The following FNBP1 variants were observed in gnomAD, a reference collection of about 807,000 sequenced individuals.
FNBP1 encodes the protein formin-binding protein 1.
In FNBP1, 26 loss-of-function variants were observed where a neutral mutation model predicts 90.6. That is an observed-to-expected ratio of 0.29 (90% confidence interval 0.21 to 0.40). The LOEUF (loss-of-function observed/expected upper bound fraction) is 0.40. FNBP1 is among the 10% of genes least tolerant of loss of function. FNBP1 has a pLI of 1.00. For missense variants in FNBP1, 635 were observed against 768.0 expected (o/e 0.83, Z 2.05); for synonymous variants, 260 against 265.2 (o/e 0.98, Z 0.19).
Position 129,925,091 on chromosome 9 carries a change from C to T in FNBP1, c.856G>A (p.Asp286Asn), listed in dbSNP as rs755707936. Residue 286 changes from aspartate (D) to asparagine (N), a missense_variant, in exon 9 of 17, where the codon GAT (aspartate) becomes AAT (asparagine). Physicochemically the swap from Asp to Asn is conservative, Grantham distance 23. Coordinates refer to ENST00000446176, the MANE Select transcript of FNBP1 (RefSeq NM_015033.3). ...FEPPGDIEFE[D>N]YTQPMKRTVS... ...GTGCGCTTCATTGGCTGAGTGTAAT[C>T]CTCAAATTCAATGTCTCCAGGAGGC... The T allele has an allele frequency of 6.2e-7, 1 of 1,613,922 alleles. No homozygotes were observed. The highest frequency in any genetic ancestry group is 8.5e-7 in the Non-Finnish European group (1 of 1,179,856).
intron 10 of FNBP1, among the ~76,000 whole-genome samples, chr9:129,921,194 A>C (rs2041025961): frequency 6.6e-6 from 1 of 152,186 alleles, no homozygotes; most frequent in Non-Finnish European, 1.5e-5. Flanking sequence ...GCATGTGAGG[A>C]AATATTGTTT....
At chr9:129,983,159 G>C (rs141729313) in intron 2 of FNBP1, among the ~76,000 whole-genome samples, 1 of 152,020 alleles carries the variant, frequency 6.6e-6, no homozygotes, top group African/African-American at 2.4e-5. Context: ...GAAGCCTTAC[G>C]TGACTCTGAA....
At chr9:130,008,844 G>T (rs2056167409) in intron 1 of FNBP1, among the ~76,000 whole-genome samples, 1 of 152,050 alleles carries the variant, frequency 6.6e-6, no homozygotes, top group Non-Finnish European at 1.5e-5. Context: ...TCCCACACTA[G>T]TCTCCATAGG....
intron 6 of FNBP1, among the ~76,000 whole-genome samples, chr9:129,954,584 G>A (rs1009297389): frequency 2.6e-5 from 4 of 151,932 alleles, no homozygotes; most frequent in South Asian, 2.1e-4. Flanking sequence ...AATTGACCAC[G>A]TTAATGAATT....
rs1029561760 is a variant in FNBP1, at chr9:129,888,609, C to A, written c.*1930G>T. The A allele has an allele frequency of 2.1e-5, 5 of 232,866 alleles. No individual in the cohort carries two copies. The highest frequency in any genetic ancestry group is 5.6e-5 in the Admixed American group (1 of 17,760). The allele number at this position is 232,866 out of a possible 1,614,324, so 14.4% of individuals were successfully genotyped here. A position where few individuals can be genotyped will look rare whatever the true frequency, so the allele number is the denominator to read the frequency against. On this transcript the variant is annotated 3_prime_UTR_variant, in exon 17 of 17. Coordinates refer to ENST00000446176, the MANE Select transcript of FNBP1 (RefSeq NM_015033.3). ...CCGCAACCCTGAGCGGTTTGCAGTC[C>A]CCCCCGGGGAAGAAGCAGTCAGAGA... is the stretch of plus-strand genomic sequence containing the variant.
chr9:129,896,157 C>T (rs1401033016), intron 15 of FNBP1, among the ~76,000 whole-genome samples, 161 bp from the exon 16 acceptor site: 1 of 152,158 alleles, frequency 6.6e-6, no homozygotes, highest in Non-Finnish European at 1.5e-5. Flanking sequence ...CCCACTGCCT[C>T]AAAACCATCT....
At chr9:130,017,129 T>A (rs886371805) in intron 1 of FNBP1, among the ~76,000 whole-genome samples, 1 of 152,122 alleles carries the variant, frequency 6.6e-6, no homozygotes, top group East Asian at 1.9e-4. Flanking sequence ...GTGAGAATTT[T>A]ACCTATTAAA....
At chr9:129,967,345 G>A (rs77881239) in intron 4 of FNBP1, among the ~76,000 whole-genome samples, 11,615 of 152,194 alleles carry the variant, frequency 0.076, 550 homozygotes, top group Admixed American at 0.13. Flanking sequence ...GCAAAATCCC[G>A]TCTCTATTAA....
intron 12 of FNBP1, 77 bp from the exon 13 acceptor site, chr9:129,903,078 G>A: frequency 7.1e-7 from 1 of 1,401,190 alleles, no homozygotes; most frequent in Non-Finnish European, 9.7e-7. Context: ...TGTCACCCAG[G>A]CTGGAGTGCA....
intron 1 of FNBP1, among the ~76,000 whole-genome samples, chr9:130,033,648 G>A (rs2059008326): frequency 6.7e-6 from 1 of 150,328 alleles, no homozygotes; most frequent in East Asian, 2.0e-4. Flanking sequence ...TCCAGCCTGG[G>A]CAACACAGGA....
At chr9:129,896,524 T>C (rs912932978) in intron 15 of FNBP1, among the ~76,000 whole-genome samples, 9 of 151,862 alleles carry the variant, frequency 5.9e-5, no homozygotes, top group South Asian at 2.1e-4. Flanking sequence ...GCTGAGACTA[T>C]AGGTGTGCAC....
intron 15 of FNBP1, among the ~76,000 whole-genome samples, chr9:129,896,496 GTC>G (rs2035775266): frequency 6.6e-6 from 1 of 152,120 alleles, no homozygotes; most frequent in African/African-American, 2.4e-5. Flanking sequence ...CGATTCTCCT[GTC>G]TCAGCCTCCC....
At chr9:129,942,738 A>T (rs2044508640) in intron 6 of FNBP1, among the ~76,000 whole-genome samples, 1 of 152,216 alleles carries the variant, frequency 6.6e-6, no homozygotes, top group Non-Finnish European at 1.5e-5. Context: ...GAGGACTAAA[A>T]GCCCTTTGGA....
chr9:129,951,935 T>G (rs2046238298), intron 6 of FNBP1, among the ~76,000 whole-genome samples: 1 of 150,772 alleles, frequency 6.6e-6, no homozygotes, highest in Non-Finnish European at 1.5e-5. Flanking sequence ...CTCACACCTG[T>G]AATCCCAGCC....
Position 130,042,854 on chromosome 9 carries a change from C to T in FNBP1, c.24+98G>A. On this transcript the variant is annotated intron_variant, in intron 1 of 16. Coordinates refer to ENST00000446176, the MANE Select transcript of FNBP1 (RefSeq NM_015033.3). This position sits in a 1 kb window ranked among gnomAD's most constrained non-coding sequence, Gnocchi z 5.5. ...GCGAGGACCCCGACCAGCGCGCCCT[C>T]GCCTCCGCCCAGCAGCGCGGCCCGC... 2 of 861,096 alleles carry T rather than the reference C, an allele frequency of 2.3e-6. No homozygotes were observed. The highest frequency in any genetic ancestry group is 5.5e-5 in the South Asian group (1 of 18,178). The allele number at this position is 861,096 out of a possible 1,614,324, so 53.3% of individuals were successfully genotyped here.
chr9:129,942,726 G>A (rs1269569689), intron 6 of FNBP1, among the ~76,000 whole-genome samples: 1 of 152,208 alleles, frequency 6.6e-6, no homozygotes, highest in African/African-American at 2.4e-5. Context: ...AGGAAACATG[G>A]AGAGGACTAA....
chr9:130,033,609 C>T (rs925007581), intron 1 of FNBP1, among the ~76,000 whole-genome samples: 10 of 146,670 alleles, frequency 6.8e-5, no homozygotes, highest in Non-Finnish European at 1.4e-4. Flanking sequence ...AGGCCGAGGC[C>T]GGTGATCACT....
In FNBP1 at chr9:129,904,004, T is replaced by C. The variant is rs181397635; in HGVS notation, c.1296-1003A>G. Among the ~76,000 whole-genome samples the C allele has an allele frequency of 4.5e-3, 681 of 152,230 alleles. 4 individuals are homozygous for C. The highest frequency in any genetic ancestry group is 0.016 in the African/African-American group (657 of 41,540). On this transcript the variant is annotated intron_variant, in intron 12 of 16. Coordinates refer to ENST00000446176, the MANE Select transcript of FNBP1 (RefSeq NM_015033.3). Reference sequence around the variant, plus strand: ...GTGAGCCGAGATCACGCCACTGCACTCCAGCCTGGGCGACAGAGCAAGACT... The same window carrying C: ...GTGAGCCGAGATCACGCCACTGCACCCCAGCCTGGGCGACAGAGCAAGACT...
intron 1 of FNBP1, among the ~76,000 whole-genome samples, chr9:130,018,457 C>T (rs1314145041): frequency 2.0e-5 from 3 of 152,112 alleles, no homozygotes; most frequent in Non-Finnish European, 2.9e-5. Flanking sequence ...CCAGCTCTAG[C>T]GTCTCAGGCT....
Sources: gnomAD v4.1 joint callset for allele counts (sites outside exome capture counted in the v4.1 genomes callset) on GRCh38, gnomAD v4.1.1 for gene constraint, Gnocchi (gnomAD v3.1) non-coding constraint, MANE v1.5 for transcripts, NCBI Gene and HGNC (gene_info 2026-07-23, HGNC 2026-07-21) for gene names.